The following CACNB4 variants were observed in gnomAD, a reference collection of about 807,000 sequenced individuals.
CACNB4 encodes calcium voltage-gated channel auxiliary subunit beta 4, also known as voltage-dependent L-type calcium channel subunit beta-4.
In CACNB4, 32 loss-of-function variants were observed where a neutral mutation model predicts 71.2. That is an observed-to-expected ratio of 0.45 (90% confidence interval 0.34 to 0.60). The LOEUF (loss-of-function observed/expected upper bound fraction) is 0.60, where lower values mean the gene tolerates loss of function less well. Among genes scored for constraint, CACNB4 ranks in the 20% least tolerant of loss-of-function variants. The pLI is 0.01. For missense variants in CACNB4, 464 were observed against 647.9 expected, an observed-to-expected ratio of 0.72 and a Z score of 3.08; for synonymous variants, 231 against 236.9, an observed-to-expected ratio of 0.97 and a Z score of 0.23.
chr2:151,874,538 T>C (rs565378970), intron 5 of CACNB4, among the ~76,000 whole-genome samples: 2 of 151,644 alleles, frequency 1.3e-5, no homozygotes, highest in South Asian at 2.1e-4. Context: ...TTAATAATAG[T>C]ATTGGCAAGT....
chr2:151,862,133 C>T (rs2099841901), intron 9 of CACNB4, among the ~76,000 whole-genome samples: 1 of 152,148 alleles, frequency 6.6e-6, no homozygotes, highest in African/African-American at 2.4e-5. Flanking sequence ...AGTTAGTACA[C>T]CCATTCTCTT....
intron 2 of CACNB4, among the ~76,000 whole-genome samples, chr2:152,092,348 T>C (rs535301140): frequency 9.2e-5 from 14 of 152,238 alleles, no homozygotes; most frequent in Admixed American, 2.0e-4. Context: ...GAGAAACATA[T>C]CTATAACTGG....
chr2:152,023,436 GCT>G (rs1353052204), intron 2 of CACNB4, among the ~76,000 whole-genome samples: 2 of 4,746 alleles, frequency 4.2e-4, no homozygotes, highest in Non-Finnish European at 3.4e-3. Context: ...AGTGAGAGGT[GCT>G]TTTTTTTTTT....
At chr2:151,954,885 G>A (rs368678858) in intron 2 of CACNB4, among the ~76,000 whole-genome samples, 1 of 114,240 alleles carries the variant, frequency 8.8e-6, no homozygotes, top group Non-Finnish European at 1.6e-5. Flanking sequence ...ATGGAGTCTC[G>A]CTCTGTTGTC....
At chr2:152,019,981 A>C (rs927482987) in intron 2 of CACNB4, among the ~76,000 whole-genome samples, 4 of 152,214 alleles carry the variant, frequency 2.6e-5, no homozygotes, top group African/African-American at 7.2e-5. Context: ...AGGGCAAAGA[A>C]GGCCCAGAAG....
At chr2:151,922,692 G>C (rs1326288629) in intron 2 of CACNB4, among the ~76,000 whole-genome samples, 1 of 152,170 alleles carries the variant, frequency 6.6e-6, no homozygotes, top group Non-Finnish European at 1.5e-5. Flanking sequence ...GGCATGTATA[G>C]TCTGAAGTTT....
Position 151,853,490 on chromosome 2 carries a change from A to G in CACNB4, c.1074T>C (p.Asn358=). The change falls in exon 12 of 14, where the codon AAT becomes AAC. Residue 358 remains asparagine (N), a synonymous_variant. Coordinates refer to ENST00000539935, the MANE Select transcript of CACNB4 (RefSeq NM_000726.5). ...GTTTATCAGCTGCCACCAGTTGAAC[A>G]TTCAAGTGTTTACTTTGTGACTTTC... is the stretch of plus-strand genomic sequence containing the variant. ...SRGKSQSKHL[N]VQLVAADKLA... is the part of the protein sequence containing the mutation. 6.2e-7 allele frequency: 1 copy of G among 1,601,152 alleles called. No homozygotes were observed. Among genetic ancestry groups the G allele is most frequent in the Non-Finnish European group, 8.5e-7 (1 of 1,174,488 alleles).
intron 2 of CACNB4, among the ~76,000 whole-genome samples, chr2:152,010,610 C>T (rs1683000365): frequency 6.6e-6 from 1 of 152,162 alleles, no homozygotes; most frequent in Non-Finnish European, 1.5e-5. Context: ...TTATTGTTCC[C>T]TCTCTACAAG....
intron 2 of CACNB4, among the ~76,000 whole-genome samples, chr2:152,079,129 C>T (rs995030972): frequency 1.3e-5 from 2 of 152,098 alleles, no homozygotes; most frequent in South Asian, 2.1e-4. Context: ...CACTCTGTCG[C>T]CCAGGCTGGA....
rs975084620 is a variant in CACNB4 at position 152,098,520 on chromosome 2, C to T, written c.64-107G>A. ...GCCTCCGGACCCGCTCCCTGGGGTC[C>T]CCTAGAGCCCGCACCCAAGTCTCCT... On this transcript the variant is annotated intron_variant, in intron 1 of 13. Transcript: ENST00000539935. This position sits in a 1 kb window ranked among gnomAD's most constrained non-coding sequence, Gnocchi z 5.3. 3.7e-6 allele frequency: 5 copies of T among 1,357,660 alleles called. No homozygotes were observed. The highest frequency in any genetic ancestry group is 5.2e-6 in the Non-Finnish European group (5 of 953,476). The allele number at this position is 1,357,660 out of a possible 1,614,324, so 84.1% of individuals were successfully genotyped here. A position where few individuals can be genotyped will look rare whatever the true frequency, so the allele number is the denominator to read the frequency against.
At chr2:151,997,224 T>C (rs953977195) in intron 2 of CACNB4, among the ~76,000 whole-genome samples, 1 of 152,082 alleles carries the variant, frequency 6.6e-6, no homozygotes, top group African/African-American at 2.4e-5. Context: ...CTAAATCCAA[T>C]GGCAAGTGTC....
intron 8 of CACNB4, chr2:151,869,637 GC>G (rs1399154056): frequency 5.9e-6 from 1 of 170,794 alleles, no homozygotes; most frequent in Non-Finnish European, 1.2e-5. Context: ...ACTGGACTCA[GC>G]CTTCCTGCTA....
At chr2:151,907,808 G>C (rs1464188050) in intron 2 of CACNB4, among the ~76,000 whole-genome samples, 1 of 152,174 alleles carries the variant, frequency 6.6e-6, no homozygotes, top group Non-Finnish European at 1.5e-5. Context: ...GCACAGCAAG[G>C]AAAGTCCTCT....
intron 2 of CACNB4, among the ~76,000 whole-genome samples, chr2:151,909,670 G>C (rs747369419): frequency 6.6e-6 from 1 of 152,028 alleles, no homozygotes; most frequent in Non-Finnish European, 1.5e-5. Context: ...TGCAAACGTG[G>C]TGTTTGGTTT....
intron 5 of CACNB4, chr2:151,874,919 C>T (rs2099845568): frequency 2.5e-6 from 1 of 399,078 alleles, no homozygotes; most frequent in Non-Finnish European, 4.4e-6. Context: ...GGTTGATTCA[C>T]CTGAAGCTGT....
intron 2 of CACNB4, among the ~76,000 whole-genome samples, chr2:152,055,026 T>G (rs1411317132): frequency 8.5e-5 from 13 of 152,202 alleles, no homozygotes; most frequent in Admixed American, 6.5e-5. Flanking sequence ...TTCTTTTTTG[T>G]TTTAAGACAG....
At chr2:151,983,605 A>AC (rs2099875089) in intron 2 of CACNB4, among the ~76,000 whole-genome samples, 1 of 151,972 alleles carries the variant, frequency 6.6e-6, no homozygotes, top group African/African-American at 2.4e-5. Flanking sequence ...ATGTAAAAAA[A>AC]ATCAAGGACC....
At chr2:152,088,830 G>C (rs1361402057) in intron 2 of CACNB4, among the ~76,000 whole-genome samples, 2 of 152,152 alleles carry the variant, frequency 1.3e-5, no homozygotes, top group African/African-American at 4.8e-5. Context: ...TTACAAAGGC[G>C]CATGTTTACT....
At chr2:151,888,337 G>C (rs1354442249) in intron 2 of CACNB4, among the ~76,000 whole-genome samples, 1 of 152,146 alleles carries the variant, frequency 6.6e-6, no homozygotes, top group Non-Finnish European at 1.5e-5. Flanking sequence ...TGAGGCAGGA[G>C]AATTGCTTGA....
Sources: gnomAD v4.1 joint callset for allele counts (sites outside exome capture counted in the v4.1 genomes callset) on GRCh38, gnomAD v4.1.1 for gene constraint, Gnocchi (gnomAD v3.1) non-coding constraint, MANE v1.5 for transcripts, NCBI Gene and HGNC (gene_info 2026-07-23, HGNC 2026-07-21) for gene names.